NME8: variants seen among roughly 807,000 people sequenced by gnomAD.
NME8 encodes NME/NM23 family member 8, also known as protein NME8.
In NME8, 72 loss-of-function variants were observed where a neutral mutation model predicts 82.3. The observed-to-expected ratio is 0.87, with a 90% CI of 0.72 to 1.06. The LOEUF is 1.06. Among genes scored for constraint, NME8 ranks in the 50% least tolerant of loss-of-function variants. The pLI is 0.00. For synonymous variants in NME8, 267 were observed against 228.5 expected (o/e 1.17, Z -1.52); for missense variants, 712 against 685.4 (o/e 1.04, Z -0.43).
In NME8 at chr7:37,897,001, G is replaced by A. The variant is rs1785239385; in HGVS notation, c.1676G>A (p.Ser559Asn). Residue 559 changes from serine (S) to asparagine (N), a missense_variant, in exon 17 of 18, where the codon AGT (serine) becomes AAT (asparagine). Physicochemically the swap from Ser to Asn is conservative, Grantham distance 46 (BLOSUM62 1). Transcript: ENST00000199447. ...TCCATCCGAGCCCAGTTTGGAATAA[G>A]TAAATTGAAAAACATTGTCCATGGA... ...PDSIRAQFGI[S>N]KLKNIVHGAS... is the part of the protein sequence containing the mutation. 1 of 1,613,918 alleles carries A rather than the reference G, an allele frequency of 6.2e-7. No individual in the cohort carries two copies. Among genetic ancestry groups the A allele is most frequent in the East Asian group, 2.2e-5 (1 of 44,878 alleles).
intron 14 of NME8, among the ~76,000 whole-genome samples, chr7:37,886,145 T>C (rs2131968755): frequency 6.6e-6 from 1 of 152,360 alleles, no homozygotes; most frequent in East Asian, 1.9e-4. Flanking sequence ...ATTATGTCTT[T>C]GCTTATGTGC....
intron 15 of NME8, among the ~76,000 whole-genome samples, chr7:37,893,856 C>T (rs1785174708): frequency 6.6e-6 from 1 of 152,126 alleles, no homozygotes. Context: ...CAGGAGAGGT[C>T]CAGCCTTCTC....
At chr7:37,881,914 G>C (rs1170481898) in intron 12 of NME8, among the ~76,000 whole-genome samples, 1 of 152,264 alleles carries the variant, frequency 6.6e-6, no homozygotes, top group East Asian at 1.9e-4. Context: ...CAAGGAATGG[G>C]TCAATTTATC....
chr7:37,862,149 T>C lies in NME8; in HGVS notation c.387+5T>C, dbSNP rs763685517. 2 of 1,561,780 alleles carry C rather than the reference T, an allele frequency of 1.3e-6. No homozygotes were observed. The highest frequency in any genetic ancestry group is 1.8e-6 in the Non-Finnish European group (2 of 1,132,556). ...GGTGAAATGGCTCGACCTCAGGTAATACTTTGGATTAACAACAGTTTGAAG... is the reference window on the plus strand; with the variant it reads ...GGTGAAATGGCTCGACCTCAGGTAACACTTTGGATTAACAACAGTTTGAAG... On this transcript the variant is annotated splice_donor_5th_base_variant and intron_variant, in intron 7 of 17. Coordinates refer to ENST00000199447, the MANE Select transcript of NME8 (RefSeq NM_016616.5).
intron 12 of NME8, among the ~76,000 whole-genome samples, chr7:37,880,607 T>C (rs1229940716): frequency 6.6e-6 from 1 of 152,196 alleles, no homozygotes; most frequent in African/African-American, 2.4e-5. Flanking sequence ...TCTCCTTCAA[T>C]ACTGTGTTAC....
At chr7:37,856,737 G>A (rs945076386) in intron 5 of NME8, among the ~76,000 whole-genome samples, 15 of 152,150 alleles carry the variant, frequency 9.9e-5, no homozygotes, top group African/African-American at 3.6e-4. Flanking sequence ...GGAATGTTTA[G>A]TAAACCTCTT....
intron 10 of NME8, among the ~76,000 whole-genome samples, chr7:37,867,289 G>A (rs1230678879): frequency 6.6e-6 from 1 of 150,740 alleles, no homozygotes; most frequent in Admixed American, 6.6e-5. Flanking sequence ...AGGGAGGTAT[G>A]TAGCTTTTTT....
At chr7:37,898,625 CAT>C (rs1400191337) in intron 17 of NME8, among the ~76,000 whole-genome samples, 2 of 152,240 alleles carry the variant, frequency 1.3e-5, no homozygotes, top group African/African-American at 4.8e-5. Context: ...CAGAAGAACA[CAT>C]ATTGTATGTT....
At chr7:37,851,599 C>A (rs1190641408) in intron 5 of NME8, among the ~76,000 whole-genome samples, 3 of 152,070 alleles carry the variant, frequency 2.0e-5, no homozygotes, top group African/African-American at 7.2e-5. Context: ...ACATTGATTA[C>A]ATGTTGAAAT....
intron 11 of NME8, among the ~76,000 whole-genome samples, chr7:37,874,495 G>A (rs1784817840): frequency 6.6e-6 from 1 of 151,862 alleles, no homozygotes; most frequent in Admixed American, 6.6e-5. Context: ...CTGACAACAG[G>A]GGCAGGAAAA....
rs186068152 is a variant in NME8 at position 37,896,926 on chromosome 7, G to C, written c.1601G>C (p.Arg534Pro). The change falls in exon 17 of 18, where the codon CGA (arginine) becomes CCA (proline). Residue 534 changes from arginine to proline, a missense_variant. Transcript: ENST00000199447. Reference protein sequence around the residue: ...TKWNAVAEWRRLMGPTDPEEA... With the variant: ...TKWNAVAEWRPLMGPTDPEEA... ...TGGAATGCTGTTGCAGAATGGAGAC[G>C]ATTGATGGGCCCAACAGACCCAGAA... 6.2e-7 allele frequency: 1 copy of C among 1,613,850 alleles called. No individual in the cohort carries two copies.
At chr7:37,872,465 A>G (rs1356038672) in intron 11 of NME8, among the ~76,000 whole-genome samples, 4 of 152,228 alleles carry the variant, frequency 2.6e-5, no homozygotes, top group African/African-American at 9.6e-5. Context: ...AACTGCTTAG[A>G]GACAGAAAAA....
intron 11 of NME8, among the ~76,000 whole-genome samples, chr7:37,876,229 T>TATATATAGATAGATAG (rs1044568242): frequency 2.8e-4 from 41 of 146,194 alleles, no homozygotes; most frequent in African/African-American, 9.9e-4. Flanking sequence ...TATATATATA[T>TATATATAGATAGATAG]ATAGATAGAT....
rs1442943687 is a variant in NME8, at chr7:37,885,251, A to G, written c.1246A>G (p.Ser416Gly). 3 of 1,595,420 alleles carry G rather than the reference A, an allele frequency of 1.9e-6. No individual in the cohort carries two copies. Among genetic ancestry groups the G allele is most frequent in the African/African-American group, 2.7e-5 (2 of 74,674 alleles). ...VEEAIEYFPESLCAQFAMDSL... is the reference protein window; with the variant it reads ...VEEAIEYFPEGLCAQFAMDSL... ...AGAAGCCATTGAATATTTTCCAGAG[A>G]GGTAGGATTCATACCATGGGTCACT... The change falls in exon 14 of 18, where the codon AGT (serine) becomes GGT (glycine). Residue 416 changes from serine to glycine, a missense_variant and splice_region_variant. Coordinates refer to ENST00000199447, the MANE Select transcript of NME8 (RefSeq NM_016616.5).
chr7:37,850,235 T>G, intron 2 of NME8, 25 bp from the exon 3 acceptor site: 2 of 1,499,288 alleles, frequency 1.3e-6, no homozygotes, highest in Non-Finnish European at 1.8e-6. Context: ...TACTTAAAAA[T>G]TTTTCTTTCT....
intron 12 of NME8, among the ~76,000 whole-genome samples, chr7:37,882,589 A>AAG (rs1236691369): frequency 5.7e-5 from 3 of 52,286 alleles, no homozygotes; most frequent in Admixed American, 4.3e-4. Flanking sequence ...GAAAGAAAGA[A>AAG]AGAAAGAAAG....
intron 17 of NME8, among the ~76,000 whole-genome samples, chr7:37,898,503 T>C (rs1341108606): frequency 6.6e-6 from 1 of 152,118 alleles, no homozygotes; most frequent in Non-Finnish European, 1.5e-5. Flanking sequence ...GAATAAAGTG[T>C]GGTATAAAGA....
At chr7:37,859,113 G>A (rs989915436) in intron 6 of NME8, among the ~76,000 whole-genome samples, 2 of 152,004 alleles carry the variant, frequency 1.3e-5, no homozygotes, top group Admixed American at 1.3e-4. Flanking sequence ...TTTTCTTTAC[G>A]AAGTTCCCAG....
intron 5 of NME8, among the ~76,000 whole-genome samples, chr7:37,854,059 G>A (rs977042752): frequency 6.9e-6 from 1 of 144,302 alleles, no homozygotes; most frequent in Non-Finnish European, 1.5e-5. Flanking sequence ...AACCCCCCAC[G>A]TAGTAAAAAA....
Sources: gnomAD v4.1 joint callset for allele counts (sites outside exome capture counted in the v4.1 genomes callset) on GRCh38, gnomAD v4.1.1 for gene constraint, MANE v1.5 for transcripts, NCBI Gene and HGNC (gene_info 2026-07-23, HGNC 2026-07-21) for gene names.